CELF2: variants seen among roughly 807,000 people sequenced by gnomAD.
CELF2 encodes the protein CUG triplet repeat RNA-binding protein 2.
Under a neutral mutation model 62.6 loss-of-function variants are expected in CELF2, and 8 were observed. The observed-to-expected ratio is 0.13, with a 90% CI of 0.07 to 0.23. The LOEUF (loss-of-function observed/expected upper bound fraction) is 0.23. CELF2 is among the 10% of genes least tolerant of loss of function. CELF2 has a pLI of 1.00. For synonymous variants in CELF2, 258 were observed against 250.0 expected (o/e 1.03, Z -0.30); for missense variants, 333 against 671.0 (o/e 0.50, Z 5.56).
intron 1 of CELF2, among the ~76,000 whole-genome samples, chr10:11,134,810 A>G (rs938579472): frequency 6.6e-6 from 1 of 152,168 alleles, no homozygotes; most frequent in South Asian, 2.1e-4. Flanking sequence ...ACCTTGTTAG[A>G]GTTCCTCCTG....
the CELF2 span, among the ~76,000 whole-genome samples, chr10:10,740,377 C>A: frequency 1.2e-4 from 19 of 152,196 alleles, 1 homozygote; most frequent in East Asian, 3.7e-3. Context: ...ATTGAACAGA[C>A]TATCCCTCAC....
the CELF2 span, among the ~76,000 whole-genome samples, chr10:10,546,648 G>A: frequency 6.6e-6 from 1 of 152,110 alleles, no homozygotes; most frequent in Non-Finnish European, 1.5e-5. Flanking sequence ...CTGGTCAAGA[G>A]CACAATACTT....
the CELF2 span, among the ~76,000 whole-genome samples, chr10:10,694,872 T>C: frequency 6.6e-6 from 1 of 151,466 alleles, no homozygotes; most frequent in African/African-American, 2.4e-5. Context: ...TTGGTAGATC[T>C]TCCTCCATCC....
chr10:11,079,403 C>T (rs754097401), intron 1 of CELF2, among the ~76,000 whole-genome samples: 1 of 152,304 alleles, frequency 6.6e-6, no homozygotes, highest in Non-Finnish European at 1.5e-5. Context: ...TGGTTTGGCT[C>T]TGTGTCCCCA....
intron 1 of CELF2, among the ~76,000 whole-genome samples, chr10:11,099,891 A>C (rs1216481194): frequency 1.5e-3 from 223 of 148,376 alleles, no homozygotes; most frequent in South Asian, 3.3e-3. Flanking sequence ...CAACAAAAAA[A>C]AAAAAAAAAA....
At chr10:10,490,239 T>C in the CELF2 span, among the ~76,000 whole-genome samples, 1 of 152,166 alleles carries the variant, frequency 6.6e-6, no homozygotes, top group Non-Finnish European at 1.5e-5. Context: ...AACAATCCTA[T>C]TATTCGAAGA....
intron 1 of CELF2, among the ~76,000 whole-genome samples, chr10:11,085,555 G>T (rs982993214): frequency 6.6e-6 from 1 of 152,146 alleles, no homozygotes; most frequent in African/African-American, 2.4e-5. Context: ...ATCCATCACA[G>T]TGACCTTGTT....
chr10:11,065,850 A>G (rs113510004), intron 1 of CELF2, among the ~76,000 whole-genome samples: 7 of 152,190 alleles, frequency 4.6e-5, no homozygotes, highest in African/African-American at 1.7e-4. Context: ...GGGCCCGGGG[A>G]GGGTTGCAGT....
chr10:11,103,487 A>ATTTTTTTTTTTTT (rs3054364), intron 1 of CELF2, among the ~76,000 whole-genome samples: 2 of 119,754 alleles, frequency 1.7e-5, no homozygotes, highest in African/African-American at 7.0e-5. Context: ...TTGTAGCCTG[A>ATTTTTTTTTTTTT]TTTTTTTTTT....
the CELF2 span, among the ~76,000 whole-genome samples, chr10:10,588,064 A>G: frequency 2.0e-5 from 3 of 151,836 alleles, no homozygotes; most frequent in African/African-American, 4.8e-5. Context: ...AGATGAAGGC[A>G]TGATCCCTTC....
At chr10:10,723,193 T>A in the CELF2 span, among the ~76,000 whole-genome samples, 1 of 152,224 alleles carries the variant, frequency 6.6e-6, no homozygotes, top group South Asian at 2.1e-4. Flanking sequence ...TGGAGTTTCC[T>A]CAGAACAGGT....
At chr10:10,893,857 T>TC in intron 1 of CELF2, among the ~76,000 whole-genome samples, 1 of 151,926 alleles carries the variant, frequency 6.6e-6, no homozygotes, top group East Asian at 1.9e-4. Context: ...ATGAGAAACC[T>TC]CCCCCCATGA....
intron 2 of CELF2, among the ~76,000 whole-genome samples, chr10:10,974,084 G>T (rs1221267646): frequency 6.6e-6 from 1 of 152,174 alleles, no homozygotes; most frequent in Admixed American, 6.5e-5. Context: ...TTTAGTTAGG[G>T]TGACTTTGGA....
rs2074928158 is a variant in CELF2, at chr10:11,244,262, A to G, written c.355-4891A>G. On this transcript the variant is annotated intron_variant, in intron 3 of 12. Coordinates refer to ENST00000633077, the MANE Select transcript of CELF2 (RefSeq NM_001326342.2). This position sits in a 1 kb window ranked among gnomAD's most constrained non-coding sequence, Gnocchi z 4.2. The stretch of plus-strand genomic sequence containing the variant: ...TTCATTCAGGAGTGAGTAGATGGGC[A>G]TTGTTTCTTTTTACTTGAAATTGTC... Among the ~76,000 whole-genome samples the G allele has an allele frequency of 6.6e-6, 1 of 152,222 alleles. No homozygotes were observed. Among genetic ancestry groups the G allele is most frequent in the African/African-American group, 2.4e-5 (1 of 41,456 alleles).
chr10:10,904,919 A>T (rs2063216373), intron 1 of CELF2, among the ~76,000 whole-genome samples: 1 of 152,110 alleles, frequency 6.6e-6, no homozygotes, highest in African/African-American at 2.4e-5. Flanking sequence ...TTTTTCTTAG[A>T]TCCCTGTTTC....
rs368907934 is a variant in CELF2, at chr10:11,315,083, G to T, written c.1096+825G>T. Among the ~76,000 whole-genome samples the T allele has an allele frequency of 4.6e-5, 7 of 152,310 alleles. No individual in the cohort carries two copies. The highest frequency in any genetic ancestry group is 1.7e-4 in the African/African-American group (7 of 41,574). On this transcript the variant is annotated intron_variant, in intron 10 of 12. Transcript: ENST00000633077. This position sits in a 1 kb window ranked among gnomAD's most constrained non-coding sequence, Gnocchi z 5.8. ...CATTCTCGGTTGATGGGGGAGCAGT[G>T]TGCCGGCCAGAGGATAAGTCGTGTT... is the stretch of plus-strand genomic sequence containing the variant.
the CELF2 span, among the ~76,000 whole-genome samples, chr10:10,747,617 C>G: frequency 1.3e-5 from 2 of 152,106 alleles, no homozygotes; most frequent in African/African-American, 2.4e-5. Flanking sequence ...ATGGAAAATA[C>G]TGGCATAATC....
the CELF2 span, among the ~76,000 whole-genome samples, chr10:10,785,145 C>T: frequency 6.6e-6 from 1 of 152,136 alleles, no homozygotes; most frequent in African/African-American, 2.4e-5. Context: ...ACAGCCAATC[C>T]TCACCTTGAT....
At chr10:11,003,475 G>A (rs897568428), upstream of CELF2, among the ~76,000 whole-genome samples, 5 of 152,156 alleles carry the variant, frequency 3.3e-5, no homozygotes, top group African/African-American at 1.2e-4. This position sits in a 1 kb window ranked among gnomAD's most constrained non-coding sequence, Gnocchi z 4.4. Context: ...GGACAAAACC[G>A]GTGGCTGGTA....
Sources: gnomAD v4.1 joint callset for allele counts (sites outside exome capture counted in the v4.1 genomes callset) on GRCh38, gnomAD v4.1.1 for gene constraint, Gnocchi (gnomAD v3.1) non-coding constraint, MANE v1.5 for transcripts, NCBI Gene and HGNC (gene_info 2026-07-23, HGNC 2026-07-21) for gene names.